PAK3: variants seen among roughly 807,000 people sequenced by gnomAD.
The protein encoded by PAK3 is serine/threonine-protein kinase PAK 3.
In PAK3, 4 loss-of-function variants were observed where a neutral mutation model predicts 41.0. The observed-to-expected ratio is 0.10, with a 90% CI of 0.05 to 0.22. PAK3 has a LOEUF of 0.22. Ranked by LOEUF, PAK3 falls within the 10% of genes least tolerant of loss-of-function variation. The pLI is 1.00. For missense variants in PAK3, 205 were observed against 409.9 expected, an observed-to-expected ratio of 0.50 and a Z score of 4.32; for synonymous variants, 146 against 139.6, an observed-to-expected ratio of 1.05 and a Z score of -0.32.
chrX:111,032,717 C>G (rs1364752416), intron 1 of PAK3, among the ~76,000 whole-genome samples: 1 of 111,194 alleles, frequency 9.0e-6, no homozygotes, highest in Admixed American at 9.6e-5. Flanking sequence ...TTCCCTTTCT[C>G]CTGATTACTG....
At chrX:111,139,679 G>C (rs2093844580) in intron 5 of PAK3, among the ~76,000 whole-genome samples, 2 of 112,122 alleles carry the variant, frequency 1.8e-5, no homozygotes, top group African/African-American at 6.5e-5. Flanking sequence ...TGGCCTTCTA[G>C]GAAAACACCA....
At chrX:111,003,631 G>C (rs2091882408) in intron 1 of PAK3, among the ~76,000 whole-genome samples, 1 of 111,589 alleles carries the variant, frequency 9.0e-6, no homozygotes, top group African/African-American at 3.3e-5. Context: ...ATAAGTGTTA[G>C]AGCCAATGCT....
At chrX:111,000,899 G>A (rs1472749694) in intron 1 of PAK3, among the ~76,000 whole-genome samples, 4 of 111,832 alleles carry the variant, frequency 3.6e-5, no homozygotes, top group Non-Finnish European at 7.5e-5. Context: ...ATATTAGCAG[G>A]CAATGGATGT....
intron 3 of PAK3, among the ~76,000 whole-genome samples, chrX:111,100,679 G>T (rs1021197209): frequency 4.5e-5 from 5 of 111,800 alleles, no homozygotes; most frequent in African/African-American, 1.6e-4. Flanking sequence ...AAGATACTTG[G>T]CATGGGAAGG....
chrX:110,961,201 A>G (rs2090972065), intron 1 of PAK3, among the ~76,000 whole-genome samples: 1 of 111,476 alleles, frequency 9.0e-6, no homozygotes, highest in Non-Finnish European at 1.9e-5. Flanking sequence ...GTAATGAGCA[A>G]CCAGATTGAG....
intron 1 of PAK3, among the ~76,000 whole-genome samples, chrX:110,962,414 A>T (rs986448050): frequency 8.9e-6 from 1 of 112,342 alleles, no homozygotes; most frequent in Non-Finnish European, 1.9e-5. Flanking sequence ...GATTCTCATC[A>T]TCTCTCCTCT....
chrX:111,104,250 G>A (rs1029255910), intron 4 of PAK3, among the ~76,000 whole-genome samples: 4 of 110,415 alleles, frequency 3.6e-5, no homozygotes, highest in African/African-American at 1.3e-4. Flanking sequence ...CTGTCCCTCT[G>A]TCTGGTCTTC....
At chrX:111,002,542 T>G (rs185380676) in intron 1 of PAK3, among the ~76,000 whole-genome samples, 10 of 111,717 alleles carry the variant, frequency 9.0e-5, no homozygotes, top group Non-Finnish European at 1.9e-4. Context: ...CTCAGACTGA[T>G]GTACTTGGAT....
intron 5 of PAK3, among the ~76,000 whole-genome samples, chrX:111,124,820 C>A (rs1281084434): frequency 2.7e-5 from 3 of 111,057 alleles, no homozygotes; most frequent in Non-Finnish European, 3.8e-5. Context: ...ATCTTCCTCT[C>A]CTTAAGGGAT....
chrX:110,947,900 TCTCA>T (rs1196543289), intron 1 of PAK3, among the ~76,000 whole-genome samples: 1 of 112,111 alleles, frequency 8.9e-6, no homozygotes, highest in Non-Finnish European at 1.9e-5. Flanking sequence ...TAATCATCAC[TCTCA>T]CTGACTGTGA....
At chrX:111,032,704 C>T (rs962532534) in intron 1 of PAK3, among the ~76,000 whole-genome samples, 2 of 111,301 alleles carry the variant, frequency 1.8e-5, no homozygotes, top group Admixed American at 9.6e-5. Flanking sequence ...AATTTTGCTC[C>T]GTTTCCCTTT....
chrX:111,117,537 G>A (rs1603258223), intron 4 of PAK3, among the ~76,000 whole-genome samples: 1 of 111,796 alleles, frequency 8.9e-6, no homozygotes. Flanking sequence ...ATGAGGTGTT[G>A]GTAATCAGAT....
chrX:111,142,082 C>T lies in PAK3; in HGVS notation c.176-14C>T, dbSNP rs1342152133. The T allele has an allele frequency of 3.9e-6, 4 of 1,032,382 alleles. No homozygotes were observed. The highest frequency in any genetic ancestry group is 3.0e-5 in the East Asian group (1 of 32,967). The allele number at this position is 1,032,382 out of a possible 1,213,427, so 85.1% of individuals were successfully genotyped here. A position where few individuals can be genotyped will look rare whatever the true frequency, so the allele number is the denominator to read the frequency against. ...TATACCCCAAATAAATACATGTTAA[C>T]ATTTTGCCTTTAGCCAATAAGAAGA... On this transcript the variant is annotated splice_polypyrimidine_tract_variant and intron_variant, in intron 5 of 17. Transcript: ENST00000372007.
chrX:111,044,355 C>T (rs1359887800), intron 1 of PAK3, among the ~76,000 whole-genome samples: 1 of 112,210 alleles, frequency 8.9e-6, no homozygotes, highest in East Asian at 2.8e-4. Flanking sequence ...ACTTTTCCTT[C>T]CATCTTCTGT....
chrX:111,123,976 C>T (rs2093614670), intron 5 of PAK3, among the ~76,000 whole-genome samples: 2 of 111,775 alleles, frequency 1.8e-5, no homozygotes, highest in Non-Finnish European at 1.9e-5. Flanking sequence ...TAGCATAAAG[C>T]TGAAACATGG....
intron 1 of PAK3, among the ~76,000 whole-genome samples, chrX:111,035,862 T>C (rs2092394830): frequency 8.9e-6 from 1 of 112,190 alleles, no homozygotes; most frequent in African/African-American, 3.2e-5. Context: ...GGCAAAGTCT[T>C]ACTCCAAAGT....
intron 1 of PAK3, among the ~76,000 whole-genome samples, chrX:111,022,893 T>TA (rs201174796): frequency 0.016 from 1,751 of 110,151 alleles, 45 homozygotes; most frequent in African/African-American, 0.054. Context: ...AGCTATTCTT[T>TA]TTATATATAT....
rs111872563 is a variant in PAK3, at chrX:110,970,141, T to A, written c.-28+25513T>A. ...TTCATTACTAGCATATAGAAATACA[T>A]GTATCTAATGACTAGTGATGATGAG... On this transcript the variant is annotated intron_variant, in intron 1 of 14. Coordinates refer to the PAK3 transcript ENST00000425146. Among the ~76,000 whole-genome samples, 1,085 of 112,444 alleles carry A rather than the reference T, an allele frequency of 9.6e-3. 13 individuals carry two copies. Among genetic ancestry groups the A allele is most frequent in the African/African-American group, 0.033 (1,035 of 30,994 alleles).
chrX:111,006,973 C>T (rs1291362347), intron 1 of PAK3, among the ~76,000 whole-genome samples: 1 of 106,470 alleles, frequency 9.4e-6, no homozygotes, highest in Non-Finnish European at 1.9e-5. Context: ...GCCTCCCAAA[C>T]AAAATGTTGA....
Sources: gnomAD v4.1 joint callset for allele counts (sites outside exome capture counted in the v4.1 genomes callset) on GRCh38, gnomAD v4.1.1 for gene constraint, MANE v1.5 for transcripts, NCBI Gene and HGNC (gene_info 2026-07-23, HGNC 2026-07-21) for gene names.